Variants in ADSS1 observed in about 807,000 individuals in gnomAD.
ADSS1 encodes adenylosuccinate synthetase isozyme 1.
A neutral mutation model predicts 59.1 loss-of-function variants in ADSS1; 57 were observed. That is an observed-to-expected ratio of 0.97 (90% confidence interval 0.78 to 1.20). ADSS1 has a LOEUF of 1.20. ADSS1 is among the 50% of genes most tolerant of loss of function. The pLI is 0.00. For synonymous variants in ADSS1, 247 were observed against 249.4 expected (o/e 0.99, Z 0.09); for missense variants, 603 against 610.3 (o/e 0.99, Z 0.13).
chr14:104,725,719 C>T (rs1341578794), intron 1 of ADSS1, among the ~76,000 whole-genome samples: 3 of 152,176 alleles, frequency 2.0e-5, no homozygotes, highest in African/African-American at 4.8e-5. Context: ...TGTCCTGGGC[C>T]GCCAGGGGGC....
chr14:104,735,006 G>C lies in ADSS1; in HGVS notation c.193-14G>C. The C allele has an allele frequency of 6.2e-6, 10 of 1,610,656 alleles. No homozygotes were observed. Among genetic ancestry groups the C allele is most frequent in the South Asian group, 1.1e-5 (1 of 90,962 alleles). ...TACCCAAGTGCCTTCAGCTCAGCCG[G>C]GTTTCTGTTCCAGGGGGGCAACAAC... is the stretch of plus-strand genomic sequence containing the variant. On this transcript the variant is annotated splice_polypyrimidine_tract_variant and intron_variant, in intron 1 of 12. Coordinates refer to ENST00000330877, the MANE Select transcript of ADSS1 (RefSeq NM_152328.5).
Position 104,747,139 on chromosome 14 carries a change from C to T in ADSS1, c.*136C>T. 2.7e-6 allele frequency: 2 copies of T among 731,860 alleles called. No homozygotes were observed. Among genetic ancestry groups the T allele is most frequent in the Non-Finnish European group, 4.2e-6 (2 of 471,992 alleles). The allele number at this position is 731,860 out of a possible 1,614,324, so 45.3% of individuals were successfully genotyped here. On this transcript the variant is annotated 3_prime_UTR_variant, in exon 13 of 13. Transcript: ENST00000330877. ...TCTGTACTTTTATATTTCTGTTCAA[C>T]CTGTTGGTTTCTACAATGATTTTAA...
chr14:104,743,156 T>C lies in ADSS1; in HGVS notation c.1038T>C (p.Ile346=), dbSNP rs1452781138. Residue 346 remains isoleucine, a synonymous_variant, in exon 10 of 13, where the codon ATT becomes ATC. Transcript: ENST00000330877. The stretch of plus-strand genomic sequence containing the variant: ...GCTGCGGCTGGCTCGACCTGATGAT[T>C]CTAAGATATGCTCACATGGTCAACG... ...KRRCGWLDLM[I]LRYAHMVNGF... is the part of the protein sequence containing the mutation. The C allele has an allele frequency of 1.9e-6, 3 of 1,612,252 alleles. No homozygotes were observed. The African/African-American group carries it at 4.0e-5, about 22-fold the overall frequency.
At chr14:104,733,254 C>T (rs969698155) in intron 1 of ADSS1, among the ~76,000 whole-genome samples, 2 of 152,214 alleles carry the variant, frequency 1.3e-5, no homozygotes, top group African/African-American at 4.8e-5. Flanking sequence ...AACTGGTTTC[C>T]TATAAGGACT....
chr14:104,735,018 A>AG lies in ADSS1; in HGVS notation c.197dup, dbSNP rs760706338. 4 of 1,612,444 alleles carry AG rather than the reference A, an allele frequency of 2.5e-6. No individual in the cohort carries two copies. Among genetic ancestry groups the AG allele is most frequent in the Admixed American group, 1.7e-5 (1 of 59,992 alleles). On this transcript the variant is annotated splice_acceptor_variant, in intron 1 of 12. Coordinates refer to ENST00000330877, the MANE Select transcript of ADSS1 (RefSeq NM_152328.5). LOFTEE classifies it high-confidence loss of function. ...TTCAGCTCAGCCGGGTTTCTGTTCC[A>AG]GGGGGGCAACAACGCCGGCCACACG...
intron 1 of ADSS1, among the ~76,000 whole-genome samples, chr14:104,732,597 C>A (rs1890970744): frequency 6.6e-6 from 1 of 152,240 alleles, no homozygotes; most frequent in African/African-American, 2.4e-5. Context: ...GTGTTTGCCC[C>A]CAACAGAGCC....
In ADSS1 at chr14:104,738,220, A is replaced by G. The variant is rs1891197815; in HGVS notation, c.296-156A>G. The G allele has an allele frequency of 3.3e-5, 20 of 607,624 alleles. No individual in the cohort carries two copies. In the South Asian group the frequency reaches 3.9e-4, roughly 12 times the overall value. 37.6% of individuals were successfully genotyped at this position (607,624 alleles called of 1,614,324 possible). ...ACCATGTGGGCCAGGCTGGTTTCGA[A>G]CTCCTGACCTCAAGTGATCCTCCTG... On this transcript the variant is annotated intron_variant, in intron 2 of 12. Transcript: ENST00000330877.
intron 1 of ADSS1, among the ~76,000 whole-genome samples, chr14:104,733,863 G>C (rs1331383687): frequency 6.6e-6 from 1 of 152,160 alleles, no homozygotes; most frequent in African/African-American, 2.4e-5. Context: ...TCCAGGTGGA[G>C]CTCAAGGAGA....
intron 1 of ADSS1, among the ~76,000 whole-genome samples, chr14:104,726,360 G>A (rs892281901): frequency 1.1e-4 from 17 of 152,228 alleles, no homozygotes; most frequent in Non-Finnish European, 2.4e-4. Flanking sequence ...CCCCACCTGC[G>A]AGTGCGGGGA....
chr14:104,729,480 G>C (rs1482376022), intron 1 of ADSS1, among the ~76,000 whole-genome samples: 1 of 151,682 alleles, frequency 6.6e-6, no homozygotes, highest in South Asian at 2.1e-4. Flanking sequence ...GCATGGCGTC[G>C]GCGTGGGAGG....
chr14:104,736,890 A>ATATATATATATATATG lies in ADSS1; in HGVS notation c.296-1471_296-1470insGTATATATATATATAT, dbSNP rs1451198402. ...GCCACCGCACCTAGCTGATATATAT[A>ATATATATATATATATG]TATATATATATATATATATATATGC... On this transcript the variant is annotated intron_variant, in intron 2 of 12. Transcript: ENST00000330877. Among the ~76,000 whole-genome samples the ATATATATATATATATG allele has an allele frequency of 4.7e-3, 223 of 47,776 alleles. 3 individuals carry two copies. The highest frequency in any genetic ancestry group is 7.5e-3 in the Admixed American group (29 of 3,872). 31.3% of individuals were successfully genotyped at this position (47,776 alleles called of 152,430 possible). A position where few individuals can be genotyped will look rare whatever the true frequency, so the allele number is the denominator to read the frequency against.
In ADSS1 at chr14:104,746,952, C is replaced by T. The variant is rs750886513; in HGVS notation, c.1323C>T (p.Val441=). 1.2e-6 allele frequency: 2 copies of T among 1,613,998 alleles called. No individual in the cohort carries two copies. The highest frequency in any genetic ancestry group is 3.3e-5 in the Admixed American group (2 of 60,002). ...TAACAGTCTTTTCTGCTCTCTCAGT[C>T]AAATGGGTTGGTGTTGGCAAGTCAA... ...RFVENHVGVA[V]KWVGVGKSRE... is the part of the protein sequence containing the mutation. Residue 441 remains valine, a splice_region_variant and synonymous_variant, in exon 13 of 13, where the codon GTC becomes GTT. Coordinates refer to ENST00000330877, the MANE Select transcript of ADSS1 (RefSeq NM_152328.5).
At chr14:104,733,239 TC>T (rs1178416601) in intron 1 of ADSS1, among the ~76,000 whole-genome samples, 3 of 152,108 alleles carry the variant, frequency 2.0e-5, no homozygotes, top group Non-Finnish European at 2.9e-5. Context: ...AGAGCCACTG[TC>T]CTGAACTGGT....
At position 104,743,094 on chromosome 14, in the gene ADSS1, G is replaced by A. The variant is rs775356692; in HGVS notation, c.976G>A (p.Gly326Ser). Residue 326 changes from glycine (G) to serine (S), a missense_variant, in exon 10 of 13, where the codon GGC (glycine) becomes AGC (serine). Coordinates refer to ENST00000330877, the MANE Select transcript of ADSS1 (RefSeq NM_152328.5). The stretch of plus-strand genomic sequence containing the variant: ...GATTGGAGGCCTGCTGCAGACCCGC[G>A]GCCACGAGTGGGGAGTGACCACAGG... The part of the protein sequence containing the change: ...NEIGGLLQTR[G>S]HEWGVTTGRK... The A allele has an allele frequency of 1.9e-5, 31 of 1,612,976 alleles. No homozygotes were observed. The highest frequency in any genetic ancestry group is 2.5e-5 in the Non-Finnish European group (30 of 1,180,004).
chr14:104,729,313 C>T (rs549000992), intron 1 of ADSS1, among the ~76,000 whole-genome samples: 2 of 152,194 alleles, frequency 1.3e-5, no homozygotes, highest in Non-Finnish European at 2.9e-5. Flanking sequence ...GATTTAGGGA[C>T]GGGGTGGACA....
chr14:104,746,339 G>T lies in ADSS1; in HGVS notation c.1275G>T (p.Gln425His). Residue 425 changes from glutamine to histidine, a missense_variant, in exon 12 of 13, where the codon CAG becomes CAT. Physicochemically the swap from Gln to His is conservative, Grantham distance 24 (BLOSUM62 0). Coordinates refer to ENST00000330877, the MANE Select transcript of ADSS1 (RefSeq NM_152328.5). ...GARRWEDLPP[Q>H]AQNYIRFVEN... ...GGAGGTGGGAGGACCTGCCCCCACAGGCCCAGAACTACATCCGCTTTGTGG... is the reference window on the plus strand; with the variant it reads ...GGAGGTGGGAGGACCTGCCCCCACATGCCCAGAACTACATCCGCTTTGTGG... 1 of 1,613,832 alleles carries T rather than the reference G, an allele frequency of 6.2e-7. No individual in the cohort carries two copies. The highest frequency in any genetic ancestry group is 8.5e-7 in the Non-Finnish European group (1 of 1,179,966).
rs1891055015 is a variant in ADSS1 at position 104,734,764 on chromosome 14, C to G, written c.193-256C>G. 2.0e-5 allele frequency among the ~76,000 whole-genome samples: 3 copies of G among 152,302 alleles called. No individual in the cohort carries two copies. The South Asian group carries it at 6.2e-4, about 32-fold the overall frequency. ...GCTGCAGAGACCTGCACCAAGCCACCTGGAGGTGTTGGCACCAGCCTGGGC... is the reference window on the plus strand; with the variant it reads ...GCTGCAGAGACCTGCACCAAGCCACGTGGAGGTGTTGGCACCAGCCTGGGC... On this transcript the variant is annotated intron_variant, in intron 1 of 12. Transcript: ENST00000330877.
chr14:104,730,698 C>T (rs1451670110), intron 1 of ADSS1, among the ~76,000 whole-genome samples: 1 of 151,990 alleles, frequency 6.6e-6, no homozygotes, highest in Admixed American at 6.6e-5. Flanking sequence ...TGAGGGTGCG[C>T]ACAGCCTCCT....
intron 1 of ADSS1, among the ~76,000 whole-genome samples, chr14:104,729,283 A>G (rs1163484695): frequency 6.6e-6 from 1 of 152,272 alleles, no homozygotes; most frequent in East Asian, 1.9e-4. Context: ...AGCCAGGCAG[A>G]TGGCAGGTGG....
Sources: allele counts gnomAD v4.1 joint callset (sites outside exome capture counted in the v4.1 genomes callset), GRCh38; gene constraint gnomAD v4.1.1; transcripts MANE v1.5; gene names NCBI Gene and HGNC (gene_info 2026-07-23, HGNC 2026-07-21).